Variants in NCKAP5 observed in about 807,000 individuals in gnomAD.
The protein encoded by NCKAP5 is NCK associated protein 5, also known as nck-associated protein 5.
Under a neutral mutation model 167.0 loss-of-function variants are expected in NCKAP5, and 92 were observed. The ratio of observed to expected loss-of-function variants is 0.55; its 90% CI spans 0.47 to 0.66. NCKAP5 has a LOEUF of 0.66. NCKAP5 is among the 30% of genes least tolerant of loss of function. The pLI, the probability that NCKAP5 is intolerant of heterozygous loss-of-function variation, is 0.00. For synonymous variants in NCKAP5, 891 were observed against 877.4 expected (o/e 1.02, Z -0.27); for missense variants, 2,378 against 2,315.0 (o/e 1.03, Z -0.56).
chr2:132,953,311 T>C (rs912116557), intron 8 of NCKAP5, among the ~76,000 whole-genome samples: 2 of 152,206 alleles, frequency 1.3e-5, no homozygotes, highest in East Asian at 1.9e-4. Flanking sequence ...CCTGGAGAAC[T>C]GGCATAAAGC....
the NCKAP5 span, among the ~76,000 whole-genome samples, chr2:133,617,617 A>T: frequency 6.8e-6 from 1 of 146,898 alleles, no homozygotes; most frequent in African/African-American, 2.5e-5. Context: ...GACCTCTTCA[A>T]GGAGAACTAC....
intron 6 of NCKAP5, among the ~76,000 whole-genome samples, chr2:133,044,935 G>A (rs1267367870): frequency 2.6e-5 from 4 of 152,078 alleles, no homozygotes; most frequent in East Asian, 1.9e-4. Context: ...TACATCTGTA[G>A]TACCACCTAC....
intron 19 of NCKAP5, among the ~76,000 whole-genome samples, chr2:132,705,967 A>G (rs946474763): frequency 1.2e-4 from 18 of 152,144 alleles, no homozygotes; most frequent in African/African-American, 4.3e-4. Context: ...GTCTATATGT[A>G]TGTGTGTATT....
At chr2:133,153,833 C>CTTTTTTTTTTTTTT (rs570596198) in intron 5 of NCKAP5, among the ~76,000 whole-genome samples, 1 of 109,764 alleles carries the variant, frequency 9.1e-6, no homozygotes, top group Non-Finnish European at 1.8e-5. Flanking sequence ...GTTCCTCCTT[C>CTTTTTTTTTTTTTT]TTTTTTTTTT....
intron 7 of NCKAP5, among the ~76,000 whole-genome samples, chr2:132,987,217 G>T (rs2077314963): frequency 6.6e-6 from 1 of 152,100 alleles, no homozygotes; most frequent in African/African-American, 2.4e-5. Context: ...ACATGGTGCT[G>T]TCCCTACTGA....
rs757755205 is a variant in NCKAP5 at position 133,259,103 on chromosome 2, G to A, written c.143+43934C>T. Among the ~76,000 whole-genome samples, 77 of 152,226 alleles carry A rather than the reference G, an allele frequency of 5.1e-4. No homozygotes were observed. In the Middle Eastern group the frequency reaches 0.014, roughly 27 times the overall value. ...TGCTCAGGTCCCTGCCTGAGCTCAAGCCCTCTGCGGGGTAGAGTGCTCTCC... is the reference window on the plus strand; with the variant it reads ...TGCTCAGGTCCCTGCCTGAGCTCAAACCCTCTGCGGGGTAGAGTGCTCTCC... On this transcript the variant is annotated intron_variant, in intron 4 of 19. Transcript: ENST00000409261.
At chr2:133,228,759 A>T (rs912721401) in intron 4 of NCKAP5, among the ~76,000 whole-genome samples, 15 of 152,314 alleles carry the variant, frequency 9.8e-5, no homozygotes, top group Middle Eastern at 3.4e-3. Flanking sequence ...GACTGTTCAA[A>T]ATAACAAGAT....
intron 16 of NCKAP5, among the ~76,000 whole-genome samples, chr2:132,758,121 C>G (rs890739484): frequency 6.6e-5 from 10 of 152,220 alleles, no homozygotes. Flanking sequence ...GAGTTAGCCT[C>G]CTGTCTCCTC....
At chr2:132,961,327 T>C (rs2076505493) in intron 8 of NCKAP5, among the ~76,000 whole-genome samples, 1 of 132,474 alleles carries the variant, frequency 7.5e-6, no homozygotes, top group South Asian at 2.2e-4. Context: ...TATAAGAAGA[T>C]ATATTTATAT....
chr2:133,449,574 A>C (rs1691417899), intron 3 of NCKAP5, among the ~76,000 whole-genome samples: 1 of 152,164 alleles, frequency 6.6e-6, no homozygotes, highest in African/African-American at 2.4e-5. Flanking sequence ...TTCTTTGAAC[A>C]AGGAAATATA....
At chr2:133,080,647 A>G (rs769391049) in intron 6 of NCKAP5, among the ~76,000 whole-genome samples, 2 of 152,184 alleles carry the variant, frequency 1.3e-5, no homozygotes, top group African/African-American at 4.8e-5. Flanking sequence ...AGCACTTCTT[A>G]AAAAATGAAA....
At chr2:133,529,368 C>T (rs1387865459) in intron 2 of NCKAP5, among the ~76,000 whole-genome samples, 2 of 151,990 alleles carry the variant, frequency 1.3e-5, no homozygotes, top group African/African-American at 2.4e-5. Flanking sequence ...TCTATTGTTC[C>T]GTGACTGCAT....
chr2:132,905,957 A>G (rs1001275622), intron 8 of NCKAP5, among the ~76,000 whole-genome samples: 1 of 152,198 alleles, frequency 6.6e-6, no homozygotes. Flanking sequence ...AATGTGAACT[A>G]AGTGTGCAGA....
intron 11 of NCKAP5, among the ~76,000 whole-genome samples, chr2:132,814,065 A>T (rs1225478375): frequency 1.3e-5 from 2 of 152,220 alleles, no homozygotes; most frequent in East Asian, 3.8e-4. Flanking sequence ...ATTTTACAAC[A>T]TTTGTGAAGA....
At chr2:133,637,476 CA>C in the NCKAP5 span, among the ~76,000 whole-genome samples, 2,066 of 31,670 alleles carry the variant, frequency 0.065, 2 homozygotes, top group Non-Finnish European at 0.074. Flanking sequence ...TGGTATTTTC[CA>C]AAAAAAAAAA....
intron 6 of NCKAP5, among the ~76,000 whole-genome samples, chr2:133,107,400 T>G (rs2081745170): frequency 6.6e-6 from 1 of 152,238 alleles, no homozygotes; most frequent in African/African-American, 2.4e-5. Context: ...TTTGGACATT[T>G]TAATTCGAGC....
At chr2:132,973,248 G>A (rs1007763766) in intron 7 of NCKAP5, among the ~76,000 whole-genome samples, 7 of 152,214 alleles carry the variant, frequency 4.6e-5, no homozygotes, top group African/African-American at 7.2e-5. Context: ...TATCACACTC[G>A]GACACACCTT....
At chr2:132,675,605 T>C (rs1005834069) in intron 19 of NCKAP5, among the ~76,000 whole-genome samples, 1 of 152,144 alleles carries the variant, frequency 6.6e-6, no homozygotes, top group East Asian at 1.9e-4. Context: ...TGATACATAC[T>C]GAAATTTGAG....
At chr2:133,460,966 A>AT (rs1292602127) in intron 3 of NCKAP5, among the ~76,000 whole-genome samples, 1 of 152,194 alleles carries the variant, frequency 6.6e-6, no homozygotes, top group Non-Finnish European at 1.5e-5. Flanking sequence ...ACAAAGAAAA[A>AT]TCTATTAAAA....
Sources: allele counts gnomAD v4.1 joint callset (sites outside exome capture counted in the v4.1 genomes callset), GRCh38; gene constraint gnomAD v4.1.1; transcripts MANE v1.5; gene names NCBI Gene and HGNC (gene_info 2026-07-23, HGNC 2026-07-21).